Variants in NEDD4L observed in about 807,000 individuals in gnomAD.
The protein encoded by NEDD4L is E3 ubiquitin-protein ligase NEDD4-like.
A neutral mutation model predicts 148.9 loss-of-function variants in NEDD4L; 54 were observed. The ratio of observed to expected loss-of-function variants is 0.36; its 90% CI spans 0.29 to 0.45. The LOEUF (loss-of-function observed/expected upper bound fraction) is 0.45, where lower values mean the gene tolerates loss of function less well. Among genes scored for constraint, NEDD4L ranks in the 20% least tolerant of loss-of-function variants. NEDD4L has a pLI of 1.00. For synonymous variants in NEDD4L, 433 were observed against 440.7 expected, an observed-to-expected ratio of 0.98 and a Z score of 0.22; for missense variants, 856 against 1,233.8, an observed-to-expected ratio of 0.69 and a Z score of 4.59.
chr18:58,232,623 G>A (rs1352342862), intron 2 of NEDD4L, among the ~76,000 whole-genome samples: 1 of 152,114 alleles, frequency 6.6e-6, no homozygotes, highest in Non-Finnish European at 1.5e-5. Context: ...GGATATAGGG[G>A]GCATCACCGT....
intron 2 of NEDD4L, chr18:58,221,623 G>A: frequency 1.0e-6 from 1 of 985,408 alleles, no homozygotes; most frequent in Admixed American, 6.1e-5. Context: ...GGTGTGTACG[G>A]GCACTGCTTT....
intron 1 of NEDD4L, among the ~76,000 whole-genome samples, chr18:58,126,653 G>T (rs947167399): frequency 1.3e-4 from 20 of 152,260 alleles, no homozygotes; most frequent in African/African-American, 4.8e-4. Context: ...ATGGAGTTAC[G>T]GTAACTCTAC....
intron 19 of NEDD4L, among the ~76,000 whole-genome samples, chr18:58,357,751 T>C (rs903122205): frequency 6.6e-6 from 1 of 152,212 alleles, no homozygotes; most frequent in Non-Finnish European, 1.5e-5. Context: ...AGTGTTCTCA[T>C]GGTCCCCTCA....
intron 1 of NEDD4L, among the ~76,000 whole-genome samples, chr18:58,094,596 AC>A (rs113382230): frequency 0.1 from 15,394 of 151,858 alleles, 943 homozygotes; most frequent in Admixed American, 0.16. Context: ...TGTCTGGAAT[AC>A]CCCCATTCTC....
At chr18:58,076,311 A>G (rs1177148974) in intron 1 of NEDD4L, among the ~76,000 whole-genome samples, 1 of 152,216 alleles carries the variant, frequency 6.6e-6, no homozygotes, top group African/African-American at 2.4e-5. Flanking sequence ...ATGAAGAGCA[A>G]ACCCTTGATT....
At chr18:58,328,517 A>G (rs527864552) in intron 9 of NEDD4L, among the ~76,000 whole-genome samples, 1 of 152,306 alleles carries the variant, frequency 6.6e-6, no homozygotes, top group South Asian at 2.1e-4. Context: ...TTTCCTCCAG[A>G]TGACAGCTTT....
intron 13 of NEDD4L, among the ~76,000 whole-genome samples, chr18:58,336,548 C>T (rs112872690): frequency 6.6e-6 from 1 of 151,720 alleles, no homozygotes; most frequent in East Asian, 1.9e-4. Flanking sequence ...CTGCTCTCCA[C>T]CCTGGGCGAC....
intron 2 of NEDD4L, chr18:58,227,992 A>G (rs2044574019): frequency 4.2e-6 from 1 of 236,858 alleles, no homozygotes; most frequent in Non-Finnish European, 6.9e-6. Context: ...CTTGCCCAGC[A>G]TGTGAAAAGT....
intron 5 of NEDD4L, among the ~76,000 whole-genome samples, chr18:58,290,547 C>T (rs897626743): frequency 2.6e-5 from 4 of 151,934 alleles, no homozygotes; most frequent in South Asian, 4.2e-4. Context: ...AATAGGTAGG[C>T]GATCCCTTAT....
chr18:58,279,021 G>C (rs11665621), intron 5 of NEDD4L, among the ~76,000 whole-genome samples: 27,904 of 151,934 alleles, frequency 0.18, 2,774 homozygotes, highest in East Asian at 0.28. Flanking sequence ...ATAGGCATGT[G>C]CCACCACATC....
At chr18:58,261,559 GAAAT>G (rs1164037110) in intron 5 of NEDD4L, among the ~76,000 whole-genome samples, 5 of 152,184 alleles carry the variant, frequency 3.3e-5, no homozygotes, top group Non-Finnish European at 5.9e-5. Context: ...CCTAGTCATT[GAAAT>G]AAATCTCTAA....
intron 2 of NEDD4L, among the ~76,000 whole-genome samples, chr18:58,166,689 T>A (rs1189944552): frequency 1.3e-5 from 2 of 152,242 alleles, no homozygotes; most frequent in Non-Finnish European, 2.9e-5. Context: ...ACACTCCTCC[T>A]GCCTCTACCC....
intron 2 of NEDD4L, among the ~76,000 whole-genome samples, chr18:58,202,500 T>C (rs1222281221): frequency 6.6e-6 from 1 of 152,254 alleles, no homozygotes; most frequent in Non-Finnish European, 1.5e-5. Context: ...GCAGTCAGGT[T>C]GGAGAAGCGC....
At chr18:58,119,846 T>C (rs756783067) in intron 1 of NEDD4L, among the ~76,000 whole-genome samples, 1 of 152,196 alleles carries the variant, frequency 6.6e-6, no homozygotes, top group Non-Finnish European at 1.5e-5. Context: ...CTGGCAGGCC[T>C]GGACATTGGC....
chr18:58,118,556 TG>T (rs2145778923), intron 1 of NEDD4L, among the ~76,000 whole-genome samples: 1 of 152,346 alleles, frequency 6.6e-6, no homozygotes, highest in South Asian at 2.1e-4. Context: ...TCTAGGAACC[TG>T]TATTCCTCCT....
intron 2 of NEDD4L, among the ~76,000 whole-genome samples, chr18:58,244,464 G>C (rs780364410): frequency 6.6e-6 from 1 of 152,172 alleles, no homozygotes; most frequent in Non-Finnish European, 1.5e-5. Context: ...TAGATAGTCC[G>C]CAGTAATCCT....
chr18:58,129,997 G>T (rs1250640246), intron 1 of NEDD4L, among the ~76,000 whole-genome samples: 2 of 150,616 alleles, frequency 1.3e-5, no homozygotes, highest in Non-Finnish European at 1.5e-5. Context: ...GCGGTGTTGG[G>T]CTCTGTTGGG....
At chr18:58,221,621 CG>C in intron 2 of NEDD4L, 1 of 985,326 alleles carries the variant, frequency 1.0e-6, no homozygotes, top group Non-Finnish European at 1.2e-6. Flanking sequence ...GAGGTGTGTA[CG>C]GGCACTGCTT....
At chr18:58,295,035 C>T (rs2055353393) in intron 5 of NEDD4L, among the ~76,000 whole-genome samples, 1 of 152,196 alleles carries the variant, frequency 6.6e-6, no homozygotes, top group Admixed American at 6.5e-5. Context: ...TTCCCCCACA[C>T]AGGCACAGCC....
Sources: allele counts gnomAD v4.1 joint callset (sites outside exome capture counted in the v4.1 genomes callset), GRCh38; gene constraint gnomAD v4.1.1; transcripts MANE v1.5; gene names NCBI Gene and HGNC (gene_info 2026-07-23, HGNC 2026-07-21).